JUP: variants seen among roughly 807,000 people sequenced by gnomAD.
The protein encoded by JUP is junction plakoglobin.
Under a neutral mutation model 71.1 loss-of-function variants are expected in JUP, and 28 were observed. The ratio of observed to expected loss-of-function variants is 0.39; its 90% CI spans 0.29 to 0.54. JUP has a LOEUF of 0.54. JUP is among the 20% of genes least tolerant of loss of function. JUP has a pLI of 0.62. For synonymous variants in JUP, 401 were observed against 438.9 expected (o/e 0.91, Z 1.08); for missense variants, 869 against 1,030.1 (o/e 0.84, Z 2.14).
intron 8 of JUP, among the ~76,000 whole-genome samples, chr17:41,761,125 G>C (rs1176423389): frequency 1.3e-5 from 2 of 152,100 alleles, no homozygotes; most frequent in African/African-American, 4.8e-5. Flanking sequence ...CACACAGCTA[G>C]CTCTCTTCCA....
At position 41,763,332 on chromosome 17, in the gene JUP, A is replaced by G. The variant is rs1555602490; in HGVS notation, c.1159-11T>C. 6.2e-7 allele frequency: 1 copy of G among 1,607,026 alleles called. No individual in the cohort carries two copies. The highest frequency in any genetic ancestry group is 1.7e-5 in the Admixed American group (1 of 60,002). On this transcript the variant is annotated splice_polypyrimidine_tract_variant and intron_variant, in intron 7 of 13. Transcript: ENST00000393931. ...ACTCTCCAGGCCCTCCTGGAGGGCA[A>G]GGAAGGGACGGGGGAGTCAGGGAGC...
chr17:41,771,720 C>T lies in JUP; in HGVS notation c.135G>A (p.Glu45=). 1 of 1,614,182 alleles carries T rather than the reference C, an allele frequency of 6.2e-7. No individual in the cohort carries two copies. Among genetic ancestry groups the T allele is most frequent in the Non-Finnish European group, 8.5e-7 (1 of 1,180,028 alleles). Residue 45 remains glutamate, a synonymous_variant, in exon 2 of 14, where the codon GAG becomes GAA. Coordinates refer to ENST00000393931, the MANE Select transcript of JUP (RefSeq NM_002230.4). The stretch of plus-strand genomic sequence containing the variant: ...TGTACTGGCGCCCGCAGGCCTCATC[C>T]TCCTCCATGATGCCCTTGCTGCTGA... ...PSVSSKGIME[E]DEACGRQYTL...
At chr17:41,756,324 GTGCCATGGCTCACGCCTGTAAT>G in intron 12 of JUP, 110 bp from the exon 13 acceptor site, 1 of 1,135,822 alleles carries the variant, frequency 8.8e-7, no homozygotes, top group Non-Finnish European at 1.3e-6. Context: ...GCCAGGCTGG[GTGCCATGGCTCACGCCTGTAAT>G]CCCAGCACTC....
intron 8 of JUP, among the ~76,000 whole-genome samples, chr17:41,761,766 A>T (rs1297127642): frequency 6.6e-6 from 1 of 151,158 alleles, no homozygotes; most frequent in Non-Finnish European, 1.5e-5. Context: ...AAAAAAAAAA[A>T]AAAAGAAGAA....
In JUP at chr17:41,755,407, A is replaced by G. The variant is rs1913530516; in HGVS notation, c.*337T>C. 1 of 408,544 alleles carries G rather than the reference A, an allele frequency of 2.4e-6. No individual in the cohort carries two copies. Among genetic ancestry groups the G allele is most frequent in the Admixed American group, 4.1e-5 (1 of 24,170 alleles). The allele number at this position is 408,544 out of a possible 1,614,324, so 25.3% of individuals were successfully genotyped here. On this transcript the variant is annotated 3_prime_UTR_variant, in exon 14 of 14. Transcript: ENST00000393931. ...CTGTCTTGCCCCATCGCCTGCACGGAGAGCCTCTCAGATGAGGAACCGCAC... is the reference window on the plus strand; with the variant it reads ...CTGTCTTGCCCCATCGCCTGCACGGGGAGCCTCTCAGATGAGGAACCGCAC...
rs201100759 is a variant in JUP at position 41,758,356 on chromosome 17, C to G, written c.1773+43G>C. ...GGGACTCCTAACCTTGCCCTTTAAG[C>G]AGTGGTGGGGGGACCTCTCCTGCCC... On this transcript the variant is annotated intron_variant, in intron 10 of 13. Transcript: ENST00000393931. 23 of 1,610,958 alleles carry G rather than the reference C, an allele frequency of 1.4e-5. No homozygotes were observed. The Admixed American group carries it at 3.2e-4, about 22-fold the overall frequency.
chr17:41,759,013 G>A, intron 8 of JUP, 143 bp from the exon 9 acceptor site: 1 of 811,308 alleles, frequency 1.2e-6, no homozygotes, highest in Non-Finnish European at 1.9e-6. Flanking sequence ...ATCCAGAGAA[G>A]GAGACCATCC....
In JUP at chr17:41,763,199, C is replaced by T. The variant is rs373544304; in HGVS notation, c.1281G>A (p.Thr427=). 47 of 1,614,104 alleles carry T rather than the reference C, an allele frequency of 2.9e-5. No homozygotes were observed. In the East Asian group the frequency reaches 7.6e-4, roughly 26 times the overall value. ...CCACACCGCTGTTCTGTGTCACCAG[C>T]GTCTTGTTCTTGCTGTTGTTGCATG... The part of the protein sequence containing the change: ...NLTCNNSKNK[T]LVTQNSGVEA... Residue 427 remains threonine, a synonymous_variant, in exon 8 of 14, where the codon ACG becomes ACA. Coordinates refer to ENST00000393931, the MANE Select transcript of JUP (RefSeq NM_002230.4).
intron 1 of JUP, among the ~76,000 whole-genome samples, chr17:41,780,736 G>C (rs1392051957): frequency 6.6e-6 from 1 of 150,972 alleles, no homozygotes; most frequent in African/African-American, 2.4e-5. Flanking sequence ...AAGAGAAGAG[G>C]AGAAGGGAGG....
chr17:41,768,340 A>G (rs995943222), intron 4 of JUP, among the ~76,000 whole-genome samples: 1 of 152,118 alleles, frequency 6.6e-6, no homozygotes, highest in Non-Finnish European at 1.5e-5. Context: ...CAGAGGTTGC[A>G]GTAAGCCGAG....
At chr17:41,773,246 G>T (rs974817842) in intron 1 of JUP, among the ~76,000 whole-genome samples, 4 of 152,188 alleles carry the variant, frequency 2.6e-5, no homozygotes, top group African/African-American at 9.7e-5. Flanking sequence ...GGGCAACCTG[G>T]CCCCACCCCA....
At chr17:41,758,358 G>A in intron 10 of JUP, 41 bp downstream of exon 10, 2 of 1,611,494 alleles carry the variant, frequency 1.2e-6, no homozygotes, top group East Asian at 4.5e-5. Context: ...CCTTTAAGCA[G>A]TGGTGGGGGG....
In JUP at chr17:41,778,728, G is replaced by A. The variant is rs1483762592; in HGVS notation, c.-8-6866C>T. 6.6e-5 allele frequency among the ~76,000 whole-genome samples: 10 copies of A among 150,772 alleles called. No individual in the cohort carries two copies. In the East Asian group the frequency reaches 7.8e-4, roughly 12 times the overall value. On this transcript the variant is annotated intron_variant, in intron 1 of 13. Transcript: ENST00000393931. ...AGATCGAGACCATACTGGCTAATAC[G>A]GTGAAACCTCATCTCTACTAAAAAT...
intron 5 of JUP, among the ~76,000 whole-genome samples, chr17:41,766,286 G>A (rs1878739305): frequency 6.8e-6 from 1 of 147,324 alleles, no homozygotes; most frequent in Non-Finnish European, 1.5e-5. Flanking sequence ...GGGAAGGAAG[G>A]AAGAAAGAGA....
chr17:41,768,021 G>C (rs1306544644), intron 4 of JUP, among the ~76,000 whole-genome samples: 1 of 152,196 alleles, frequency 6.6e-6, no homozygotes, highest in Admixed American at 6.5e-5. Context: ...TCAGCGCTTG[G>C]GGAGGCTGAG....
At chr17:41,779,942 T>C (rs1253354269) in intron 1 of JUP, among the ~76,000 whole-genome samples, 2 of 151,680 alleles carry the variant, frequency 1.3e-5, no homozygotes, top group East Asian at 3.9e-4. Context: ...TTCAGAGCGG[T>C]TGGGATTACA....
rs552659470 is a variant in JUP at position 41,772,871 on chromosome 17, C to T, written c.-8-1009G>A. 4.4e-5 allele frequency: 43 copies of T among 985,438 alleles called. No individual in the cohort carries two copies. The East Asian group carries it at 2.4e-3, about 55-fold the overall frequency. The allele number at this position is 985,438 out of a possible 1,614,324, so 61.0% of individuals were successfully genotyped here. On this transcript the variant is annotated intron_variant, in intron 1 of 13. Transcript: ENST00000393931. ...CTTTGTACCAGGGAGGTGAACTTCC[C>T]GCTTGGTCTGTGTTTGGCTCCACTG... is the stretch of plus-strand genomic sequence containing the variant.
At chr17:41,768,841 G>A (rs991571405) in intron 4 of JUP, 128 bp downstream of exon 4, 13 of 779,614 alleles carry the variant, frequency 1.7e-5, no homozygotes, top group South Asian at 5.8e-5. Context: ...CCGAGCACCC[G>A]GATGGGGTGT....
intron 12 of JUP, 125 bp downstream of exon 12, chr17:41,757,290 A>T: frequency 9.0e-7 from 1 of 1,107,438 alleles, no homozygotes; most frequent in Non-Finnish European, 1.4e-6. Flanking sequence ...GAATTGTTAT[A>T]AATGATCCAA....
Sources: allele counts gnomAD v4.1 joint callset (sites outside exome capture counted in the v4.1 genomes callset), GRCh38; gene constraint gnomAD v4.1.1; transcripts MANE v1.5; gene names NCBI Gene and HGNC (gene_info 2026-07-23, HGNC 2026-07-21).